Variants in GRM7 observed in about 807,000 individuals in gnomAD.
GRM7 encodes metabotropic glutamate receptor 7.
GRM7 carries 35 observed loss-of-function variants against 84.5 expected under a neutral mutation model. The ratio of observed to expected loss-of-function variants is 0.41; its 90% CI spans 0.32 to 0.55. The LOEUF is 0.55. Ranked by LOEUF, GRM7 falls within the 20% of genes least tolerant of loss-of-function variation. The pLI, the probability that GRM7 is intolerant of heterozygous loss-of-function variation, is 0.19. For missense variants in GRM7, 1,003 were observed against 1,194.6 expected, an observed-to-expected ratio of 0.84 and a Z score of 2.36; for synonymous variants, 487 against 455.1, an observed-to-expected ratio of 1.07 and a Z score of -0.89.
intron 8 of GRM7, among the ~76,000 whole-genome samples, chr3:7,621,912 AG>A (rs2125088778): frequency 6.6e-6 from 1 of 152,268 alleles, no homozygotes; most frequent in South Asian, 2.1e-4. Flanking sequence ...GATTGGATTG[AG>A]ATACATGAAG....
chr3:7,496,832 CAGAA>C (rs1261125231), intron 7 of GRM7, among the ~76,000 whole-genome samples: 1 of 151,360 alleles, frequency 6.6e-6, no homozygotes, highest in Non-Finnish European at 1.5e-5. Context: ...CACACACACT[CAGAA>C]AGAGACAGAG....
At chr3:7,134,083 A>G (rs1018256125) in intron 1 of GRM7, among the ~76,000 whole-genome samples, 2 of 152,186 alleles carry the variant, frequency 1.3e-5, no homozygotes, top group South Asian at 2.1e-4. Context: ...CAAAATAGCA[A>G]TGTATATTAG....
intron 1 of GRM7, among the ~76,000 whole-genome samples, chr3:7,102,825 G>A (rs1314683402): frequency 6.6e-6 from 1 of 151,684 alleles, no homozygotes; most frequent in Non-Finnish European, 1.5e-5. Flanking sequence ...TATCTACAAT[G>A]TTCTGTTAAG....
chr3:7,247,852 G>A (rs893673204), intron 2 of GRM7, among the ~76,000 whole-genome samples: 1 of 151,974 alleles, frequency 6.6e-6, no homozygotes, highest in African/African-American at 2.4e-5. Context: ...AAGTAAATAA[G>A]CATTTCAAAA....
At chr3:7,492,213 C>T (rs766847972) in intron 7 of GRM7, among the ~76,000 whole-genome samples, 11 of 152,060 alleles carry the variant, frequency 7.2e-5, no homozygotes, top group Admixed American at 1.3e-4. Flanking sequence ...CAGAGTAAAA[C>T]GAGCTTTCAT....
intron 2 of GRM7, among the ~76,000 whole-genome samples, chr3:7,204,972 A>G (rs919763214): frequency 6.6e-6 from 1 of 152,220 alleles, no homozygotes; most frequent in African/African-American, 2.4e-5. Context: ...ATAATTAATA[A>G]CTAGCTTGCT....
intron 1 of GRM7, among the ~76,000 whole-genome samples, chr3:6,947,563 C>T: frequency 6.6e-6 from 1 of 152,190 alleles, no homozygotes; most frequent in East Asian, 1.9e-4. Flanking sequence ...ATGATGCTGG[C>T]CTCATAAAAT....
chr3:6,951,252 T>A (rs576824195), intron 1 of GRM7, among the ~76,000 whole-genome samples: 1 of 152,352 alleles, frequency 6.6e-6, no homozygotes, highest in East Asian at 1.9e-4. Context: ...GTGCCTGAAT[T>A]ATTTTCCTCC....
intron 7 of GRM7, among the ~76,000 whole-genome samples, chr3:7,563,707 G>T (rs976091521): frequency 6.6e-6 from 1 of 152,092 alleles, no homozygotes; most frequent in African/African-American, 2.4e-5. Context: ...GAGGTTCGGG[G>T]GTCTGCTTTG....
At chr3:7,641,255 T>C (rs2125104841) in intron 8 of GRM7, among the ~76,000 whole-genome samples, 1 of 152,322 alleles carries the variant, frequency 6.6e-6, no homozygotes, top group Non-Finnish European at 1.5e-5. Context: ...ATAAGTCATC[T>C]GAAATTTAAT....
At chr3:6,890,478 T>C (rs1464939517) in intron 1 of GRM7, among the ~76,000 whole-genome samples, 1 of 152,232 alleles carries the variant, frequency 6.6e-6, no homozygotes, top group Non-Finnish European at 1.5e-5. Flanking sequence ...TCTGTCTTCA[T>C]TCCGTTATGT....
At chr3:7,633,395 G>A (rs976181263) in intron 8 of GRM7, among the ~76,000 whole-genome samples, 3 of 152,212 alleles carry the variant, frequency 2.0e-5, no homozygotes, top group African/African-American at 7.2e-5. Context: ...GATGGAGCCA[G>A]AGTTTGAAAT....
At chr3:6,991,072 G>GCATACATA (rs773683152) in intron 1 of GRM7, among the ~76,000 whole-genome samples, 2 of 151,892 alleles carry the variant, frequency 1.3e-5, no homozygotes, top group African/African-American at 4.8e-5. Context: ...CTGTCTTAAT[G>GCATACATA]CATACATACA....
intron 8 of GRM7, chr3:7,636,376 A>C (rs1004167376): frequency 1.3e-5 from 6 of 450,146 alleles, no homozygotes; most frequent in Non-Finnish European, 1.8e-5. Flanking sequence ...CTGAGCATCT[A>C]ATGGTGCCTG....
At chr3:7,572,275 T>G (rs531003333) in intron 7 of GRM7, among the ~76,000 whole-genome samples, 1 of 152,334 alleles carries the variant, frequency 6.6e-6, no homozygotes, top group Non-Finnish European at 1.5e-5. Flanking sequence ...TGAAACACAC[T>G]AATGCCTATT....
intron 4 of GRM7, among the ~76,000 whole-genome samples, chr3:7,368,911 C>T (rs1441911934): frequency 6.6e-6 from 1 of 151,102 alleles, no homozygotes; most frequent in Non-Finnish European, 1.5e-5. Flanking sequence ...TGGTTAAAAT[C>T]AGTGTTTTTC....
chr3:7,572,003 G>A (rs1371515847), intron 7 of GRM7, among the ~76,000 whole-genome samples: 3 of 152,126 alleles, frequency 2.0e-5, no homozygotes, highest in South Asian at 2.1e-4. Flanking sequence ...TCACTATCAT[G>A]AGAACAGTGC....
chr3:6,912,095 G>A (rs944849909), intron 1 of GRM7, among the ~76,000 whole-genome samples: 1 of 152,040 alleles, frequency 6.6e-6, no homozygotes, highest in African/African-American at 2.4e-5. Flanking sequence ...ATTGTTTAGT[G>A]CTTTCTTCTT....
chr3:6,968,008 C>A (rs566387614), intron 1 of GRM7, among the ~76,000 whole-genome samples: 7 of 152,216 alleles, frequency 4.6e-5, no homozygotes, highest in Middle Eastern at 3.4e-3. Flanking sequence ...ATTGATTTAC[C>A]CTGAGACTTG....
Sources: allele counts gnomAD v4.1 joint callset (sites outside exome capture counted in the v4.1 genomes callset), GRCh38; gene constraint gnomAD v4.1.1; transcripts MANE v1.5; gene names NCBI Gene and HGNC (gene_info 2026-07-23, HGNC 2026-07-21).